The following BACH2 variants were observed in gnomAD, a reference collection of about 807,000 sequenced individuals.
BACH2 encodes the protein transcription regulator protein BACH2.
Under a neutral mutation model 61.8 loss-of-function variants are expected in BACH2, and 5 were observed. That is an observed-to-expected ratio of 0.08 (90% CI 0.04 to 0.17). The LOEUF (loss-of-function observed/expected upper bound fraction) is 0.17. BACH2 is among the 10% of genes least tolerant of loss of function. BACH2 has a pLI of 1.00. For missense variants in BACH2, 824 were observed against 1,091.1 expected (o/e 0.76, Z 3.45); for synonymous variants, 446 against 440.1 (o/e 1.01, Z -0.17).
intron 1 of BACH2, among the ~76,000 whole-genome samples, chr6:90,282,789 C>T (rs1038109128): frequency 3.3e-5 from 5 of 151,328 alleles, no homozygotes; most frequent in African/African-American, 4.9e-5. Flanking sequence ...CCTTTTTCTC[C>T]ATAACCTTGC....
rs1367643685 is a variant in BACH2, at chr6:89,929,662, G to A, written c.*2746C>T. 6.6e-6 allele frequency: 1 copy of A among 152,282 alleles called. No homozygotes were observed. Among genetic ancestry groups the A allele is most frequent in the Non-Finnish European group, 1.5e-5 (1 of 68,054 alleles). 9.4% of individuals were successfully genotyped at this position (152,282 alleles called of 1,614,324 possible). ...AGGAAGGTGAGGTCTGAGTTAGGGT[G>A]GAGAGAAATAAAGAGGCCCCGCCCC... On this transcript the variant is annotated 3_prime_UTR_variant, in exon 9 of 9. Transcript: ENST00000257749.
At chr6:90,117,199 G>GTT (rs1783437399) in intron 4 of BACH2, 2 of 165,400 alleles carry the variant, frequency 1.2e-5, no homozygotes, top group East Asian at 3.6e-4. Context: ...TTGGGATGAA[G>GTT]CTCAAATATG....
chr6:89,939,661 T>C (rs996573230), intron 7 of BACH2, among the ~76,000 whole-genome samples: 5 of 40,188 alleles, frequency 1.2e-4, no homozygotes, highest in Admixed American at 4.9e-4. Context: ...TATTTCTTTT[T>C]TTTTTTTTTT....
intron 3 of BACH2, among the ~76,000 whole-genome samples, chr6:90,228,419 G>T (rs765256641): frequency 3.9e-5 from 6 of 152,146 alleles, no homozygotes; most frequent in Middle Eastern, 3.2e-3. Context: ...GCTCCTGGAA[G>T]AAAAAAAGCA....
rs970887827 is a variant in BACH2 at position 89,929,076 on chromosome 6, T to C, written c.*3332A>G. On this transcript the variant is annotated 3_prime_UTR_variant, in exon 9 of 9. Transcript: ENST00000257749. Reference sequence around the variant, plus strand: ...ATCCAAGGGGAGGACTGGATTTAGGTGGGATGTTCATTAGTCTCAGGGTCA... The same window carrying C: ...ATCCAAGGGGAGGACTGGATTTAGGCGGGATGTTCATTAGTCTCAGGGTCA... 6.7e-5 allele frequency: 10 copies of C among 148,674 alleles called. No individual in the cohort carries two copies. The highest frequency in any genetic ancestry group is 1.3e-4 in the Non-Finnish European group (9 of 66,860). The allele number at this position is 148,674 out of a possible 1,614,324, so 9.2% of individuals were successfully genotyped here.
chr6:90,222,938 C>T (rs1185688160), intron 3 of BACH2, among the ~76,000 whole-genome samples: 1 of 152,204 alleles, frequency 6.6e-6, no homozygotes, highest in Admixed American at 6.5e-5. Context: ...ACCCGCCACT[C>T]TGGCGCGCAC....
chr6:90,025,505 G>C (rs1778591307), intron 5 of BACH2, among the ~76,000 whole-genome samples: 1 of 152,118 alleles, frequency 6.6e-6, no homozygotes, highest in Non-Finnish European at 1.5e-5. Flanking sequence ...TGTGCTTCAT[G>C]CCTATTAGGA....
chr6:90,134,227 C>T (rs911514988), intron 4 of BACH2, among the ~76,000 whole-genome samples: 5 of 152,134 alleles, frequency 3.3e-5, no homozygotes, highest in African/African-American at 1.2e-4. Context: ...TTAATGATCG[C>T]CATTCTAACT....
intron 2 of BACH2, among the ~76,000 whole-genome samples, chr6:90,269,792 A>G (rs1771462466): frequency 6.6e-6 from 1 of 152,212 alleles, no homozygotes; most frequent in Non-Finnish European, 1.5e-5. Flanking sequence ...TACACAGAAT[A>G]AGCTGATGGC....
At chr6:90,227,015 T>G (rs904626520) in intron 3 of BACH2, among the ~76,000 whole-genome samples, 1 of 152,228 alleles carries the variant, frequency 6.6e-6, no homozygotes, top group Admixed American at 6.5e-5. Context: ...CATCAAGGAA[T>G]GTGCGTGAAC....
At position 89,929,863 on chromosome 6, in the gene BACH2, A is replaced by G. The variant is rs1772540891; in HGVS notation, c.*2545T>C. 6.6e-6 allele frequency: 1 copy of G among 152,274 alleles called. No individual in the cohort carries two copies. Among genetic ancestry groups the G allele is most frequent in the Non-Finnish European group, 1.5e-5 (1 of 68,034 alleles). 9.4% of individuals were successfully genotyped at this position (152,274 alleles called of 1,614,324 possible). On this transcript the variant is annotated 3_prime_UTR_variant, in exon 9 of 9. Transcript: ENST00000257749. ...GAGCAGAAAGTGTTCTTTTTTTAAA[A>G]GAAGAGGAGAGGTCACTTGGAAAGG...
At chr6:90,004,457 G>A (rs1333507855) in intron 6 of BACH2, among the ~76,000 whole-genome samples, 1 of 152,198 alleles carries the variant, frequency 6.6e-6, no homozygotes, top group African/African-American at 2.4e-5. Context: ...GAGGGTACAA[G>A]GACACAGGAA....
chr6:90,045,858 T>C (rs964151879), intron 5 of BACH2, among the ~76,000 whole-genome samples: 3 of 152,204 alleles, frequency 2.0e-5, no homozygotes, highest in Non-Finnish European at 2.9e-5. Flanking sequence ...TTTTTAATCA[T>C]GAGGCACTAA....
At chr6:89,981,150 GACAA>G (rs1166844496) in intron 6 of BACH2, among the ~76,000 whole-genome samples, 1 of 138,782 alleles carries the variant, frequency 7.2e-6, no homozygotes, top group Non-Finnish European at 1.5e-5. Context: ...TTTTTTTTTA[GACAA>G]ACAGTCTCGC....
At chr6:90,265,553 G>A (rs755450745) in intron 2 of BACH2, among the ~76,000 whole-genome samples, 7 of 152,258 alleles carry the variant, frequency 4.6e-5, no homozygotes, top group African/African-American at 1.4e-4. Context: ...TAATTAGCCC[G>A]ATGTGTCTAT....
intron 4 of BACH2, among the ~76,000 whole-genome samples, chr6:90,157,370 T>G (rs939192594): frequency 2.0e-5 from 3 of 152,168 alleles, no homozygotes; most frequent in African/African-American, 4.8e-5. Flanking sequence ...AGAAGTGAGA[T>G]TGGGTTGTTA....
At chr6:89,963,062 T>G (rs1028679373) in intron 6 of BACH2, among the ~76,000 whole-genome samples, 1 of 152,058 alleles carries the variant, frequency 6.6e-6, no homozygotes, top group African/African-American at 2.4e-5. Flanking sequence ...ATAACCCAAC[T>G]AAAAGTAGGC....
At chr6:90,016,724 T>C (rs1245842342) in intron 5 of BACH2, among the ~76,000 whole-genome samples, 1 of 152,240 alleles carries the variant, frequency 6.6e-6, no homozygotes, top group African/African-American at 2.4e-5. Flanking sequence ...AGTGATAAAT[T>C]ATTTCAACTT....
At chr6:90,089,985 A>G (rs901037010) in intron 4 of BACH2, among the ~76,000 whole-genome samples, 1 of 152,204 alleles carries the variant, frequency 6.6e-6, no homozygotes, top group Non-Finnish European at 1.5e-5. Flanking sequence ...AAAATAGAAC[A>G]AAACAAAACC....
Sources: gnomAD v4.1 joint callset for allele counts (sites outside exome capture counted in the v4.1 genomes callset) on GRCh38, gnomAD v4.1.1 for gene constraint, MANE v1.5 for transcripts, NCBI Gene and HGNC (gene_info 2026-07-23, HGNC 2026-07-21) for gene names.